IGSF21: variants seen among roughly 807,000 people sequenced by gnomAD.
IGSF21 encodes immunoglobin superfamily member 21.
A neutral mutation model predicts 46.8 loss-of-function variants in IGSF21; 28 were observed. The ratio of observed to expected loss-of-function variants is 0.60; its 90% confidence interval spans 0.44 to 0.82. The LOEUF (loss-of-function observed/expected upper bound fraction) is 0.82. Ranked by LOEUF, IGSF21 falls within the 40% of genes least tolerant of loss-of-function variation. The pLI is 0.00. For synonymous variants in IGSF21, 284 were observed against 273.6 expected (o/e 1.04, Z -0.38); for missense variants, 624 against 665.5 (o/e 0.94, Z 0.69).
At chr1:18,159,622 C>T (rs1025983170) in intron 1 of IGSF21, among the ~76,000 whole-genome samples, 9 of 151,940 alleles carry the variant, frequency 5.9e-5, no homozygotes, top group South Asian at 2.1e-4. Flanking sequence ...CCTCCCCAGC[C>T]GTGTGGAACT....
chr1:18,332,453 A>G (rs1161602302), intron 3 of IGSF21, among the ~76,000 whole-genome samples: 1 of 151,758 alleles, frequency 6.6e-6, no homozygotes, highest in Non-Finnish European at 1.5e-5. Flanking sequence ...TACTGTTTGT[A>G]AGCCATGGGG....
At chr1:18,225,843 G>C (rs1039524846) in intron 1 of IGSF21, among the ~76,000 whole-genome samples, 2 of 152,228 alleles carry the variant, frequency 1.3e-5, no homozygotes, top group African/African-American at 4.8e-5. Context: ...CCTCTTCCGA[G>C]AGGCTGTAAT....
intron 1 of IGSF21, among the ~76,000 whole-genome samples, chr1:18,184,744 C>T (rs561714410): frequency 6.6e-6 from 1 of 152,304 alleles, no homozygotes; most frequent in South Asian, 2.1e-4. Flanking sequence ...CCTCCCTCCC[C>T]CAGCTCCTCT....
rs2086123676 is a variant in IGSF21, at chr1:18,109,592, T to A, written c.70+1394T>A. ...TGCTGGGTCTGCTGATGGGAGAAGC[T>A]GCAGAATTTGAGCCCGGAAGGTGGT... On this transcript the variant is annotated intron_variant, in intron 1 of 9. Coordinates refer to ENST00000251296, the MANE Select transcript of IGSF21 (RefSeq NM_032880.5). The surrounding 1 kb of genome is among the most constrained non-coding windows in gnomAD (Gnocchi z 4.8). 1 of 152,356 alleles carries A rather than the reference T, an allele frequency of 6.6e-6. No individual in the cohort carries two copies. Among genetic ancestry groups the A allele is most frequent in the African/African-American group, 2.4e-5 (1 of 41,458 alleles). The allele number at this position is 152,356 out of a possible 1,614,324, so 9.4% of individuals were successfully genotyped here.
At chr1:18,225,168 C>T (rs1314928873) in intron 1 of IGSF21, among the ~76,000 whole-genome samples, 1 of 150,962 alleles carries the variant, frequency 6.6e-6, no homozygotes, top group Non-Finnish European at 1.5e-5. Flanking sequence ...GAGAAGATCC[C>T]TATTCTCTGC....
intron 1 of IGSF21, among the ~76,000 whole-genome samples, chr1:18,202,044 C>T (rs969468910): frequency 2.0e-5 from 3 of 152,192 alleles, no homozygotes; most frequent in African/African-American, 7.2e-5. Context: ...ATTCCATTCC[C>T]AGCCTTCCCA....
At chr1:18,118,993 A>G (rs1181172650) in intron 1 of IGSF21, among the ~76,000 whole-genome samples, 1 of 148,568 alleles carries the variant, frequency 6.7e-6, no homozygotes, top group Admixed American at 6.8e-5. Flanking sequence ...AGCTAAATAG[A>G]AGCTAAGACA....
intron 1 of IGSF21, among the ~76,000 whole-genome samples, chr1:18,217,618 G>A (rs574526746): frequency 6.6e-6 from 1 of 152,278 alleles, no homozygotes; most frequent in African/African-American, 2.4e-5. Context: ...TGTGTCCTGT[G>A]ACTATAGCAG....
Position 18,365,083 on chromosome 1 carries a change from A to T in IGSF21, c.541-140A>T, listed in dbSNP as rs555776315. On this transcript the variant is annotated intron_variant, in intron 5 of 9. Coordinates refer to ENST00000251296, the MANE Select transcript of IGSF21 (RefSeq NM_032880.5). This position sits in a 1 kb window ranked among gnomAD's most constrained non-coding sequence, Gnocchi z 4.8. ...TAGTTCTTGGGGGTGTTGAAGGGAA[A>T]AGAGTGGGGTGAGGGCTACTGTCTA... 2.7e-4 allele frequency: 181 copies of T among 658,868 alleles called. 1 individual carries two copies. In the African/African-American group the frequency reaches 3.0e-3, roughly 11 times the overall value. The allele number at this position is 658,868 out of a possible 1,614,324, so 40.8% of individuals were successfully genotyped here.
intron 1 of IGSF21, among the ~76,000 whole-genome samples, chr1:18,198,043 A>G (rs1018050928): frequency 3.3e-5 from 5 of 152,250 alleles, no homozygotes; most frequent in African/African-American, 1.2e-4. Context: ...CAGTTTCTTA[A>G]TCACTTGTAG....
chr1:18,365,179 T>C lies in IGSF21; in HGVS notation c.541-44T>C, dbSNP rs2086147567. 1 of 1,483,068 alleles carries C rather than the reference T, an allele frequency of 6.7e-7. No homozygotes were observed. Among genetic ancestry groups the C allele is most frequent in the Non-Finnish European group, 9.2e-7 (1 of 1,082,568 alleles). 91.9% of individuals were successfully genotyped at this position (1,483,068 alleles called of 1,614,324 possible). On this transcript the variant is annotated intron_variant, in intron 5 of 9. Coordinates refer to ENST00000251296, the MANE Select transcript of IGSF21 (RefSeq NM_032880.5). The surrounding 1 kb of genome is among the most constrained non-coding windows in gnomAD (Gnocchi z 4.8). ...GGAGAACCCACTGGGAGGTTGAAGT[T>C]AGTAGCACAAAATCATTTTCCCACA...
At chr1:18,316,754 A>C (rs1210256152) in intron 3 of IGSF21, among the ~76,000 whole-genome samples, 3 of 152,246 alleles carry the variant, frequency 2.0e-5, no homozygotes, top group East Asian at 3.8e-4. Context: ...TGAGAGTAAT[A>C]GTACATAATA....
chr1:18,110,928 G>T (rs1173178290), intron 1 of IGSF21: 1 of 152,278 alleles, frequency 6.6e-6, no homozygotes, highest in Non-Finnish European at 1.5e-5. Context: ...GGTAGCCCAC[G>T]GCCCCAGCCG....
At chr1:18,126,191 C>T (rs1022613028) in intron 1 of IGSF21, among the ~76,000 whole-genome samples, 5 of 141,492 alleles carry the variant, frequency 3.5e-5, no homozygotes, top group Non-Finnish European at 7.7e-5. Flanking sequence ...AGGGGGTTCT[C>T]GTGCCCCAAT....
chr1:18,192,044 C>A (rs1312124759), intron 1 of IGSF21, among the ~76,000 whole-genome samples: 1 of 152,184 alleles, frequency 6.6e-6, no homozygotes, highest in African/African-American at 2.4e-5. Flanking sequence ...ACACCTGTCT[C>A]CCCCACCAGG....
At chr1:18,233,277 A>G (rs1176105326) in intron 2 of IGSF21, among the ~76,000 whole-genome samples, 1 of 152,186 alleles carries the variant, frequency 6.6e-6, no homozygotes, top group Admixed American at 6.5e-5. Context: ...GGGAAGATGC[A>G]TACCTGGGTG....
At chr1:18,131,375 C>T (rs71643490) in intron 1 of IGSF21, among the ~76,000 whole-genome samples, 2,607 of 152,208 alleles carry the variant, frequency 0.017, 31 homozygotes, top group East Asian at 0.06. Flanking sequence ...ATAAAGTGAA[C>T]GGATGAAGGA....
Position 18,277,788 on chromosome 1 carries a change from G to A in IGSF21, c.184-14078G>A, listed in dbSNP as rs149656139. On this transcript the variant is annotated intron_variant, in intron 2 of 9. Coordinates refer to ENST00000251296, the MANE Select transcript of IGSF21 (RefSeq NM_032880.5). Reference sequence around the variant, plus strand: ...GAGCCTTCCCTGGAATCTACGTACCGTATAATTCGTTGATACGAAATTCTA... The same window carrying A: ...GAGCCTTCCCTGGAATCTACGTACCATATAATTCGTTGATACGAAATTCTA... 9.8e-5 allele frequency among the ~76,000 whole-genome samples: 15 copies of A among 152,306 alleles called. No homozygotes were observed. In the East Asian group the frequency reaches 1.4e-3, roughly 14 times the overall value.
chr1:18,203,709 T>C (rs780113146), intron 1 of IGSF21, among the ~76,000 whole-genome samples: 5 of 152,194 alleles, frequency 3.3e-5, no homozygotes, highest in African/African-American at 1.2e-4. Flanking sequence ...GAGTCTGCTA[T>C]GAAGGGGAAC....
Sources: allele counts gnomAD v4.1 joint callset (sites outside exome capture counted in the v4.1 genomes callset), GRCh38; gene constraint gnomAD v4.1.1; non-coding constraint Gnocchi (gnomAD v3.1); transcripts MANE v1.5; gene names NCBI Gene and HGNC (gene_info 2026-07-23, HGNC 2026-07-21).